The following KIAA1217 variants were observed in gnomAD, a reference collection of about 807,000 sequenced individuals.
KIAA1217 encodes the protein KIAA1217, also known as sickle tail protein homolog.
KIAA1217 carries 88 observed loss-of-function variants against 163.9 expected under a neutral mutation model. The observed-to-expected ratio is 0.54, with a 90% CI of 0.45 to 0.64. KIAA1217 has a LOEUF of 0.64. Among genes scored for constraint, KIAA1217 ranks in the 30% least tolerant of loss-of-function variants. The probability of loss-of-function intolerance (pLI) is 0.00; values close to 1 mark genes in which losing one functional copy is unlikely to be tolerated. For synonymous variants in KIAA1217, 903 were observed against 923.1 expected (o/e 0.98, Z 0.39); for missense variants, 2,372 against 2,475.0 (o/e 0.96, Z 0.88).
intron 1 of KIAA1217, among the ~76,000 whole-genome samples, chr10:23,866,713 C>T (rs1840203168): frequency 6.6e-6 from 1 of 152,068 alleles, no homozygotes. Flanking sequence ...CTTGGCAGCA[C>T]TGTTTCGAGA....
chr10:24,082,257 A>C (rs1261329367), intron 2 of KIAA1217, among the ~76,000 whole-genome samples: 2 of 150,704 alleles, frequency 1.3e-5, no homozygotes, highest in Non-Finnish European at 3.0e-5. Flanking sequence ...TTTATTTTTT[A>C]TATTCCAGGG....
chr10:24,412,720 T>A (rs1440155959), intron 3 of KIAA1217, among the ~76,000 whole-genome samples: 9 of 152,196 alleles, frequency 5.9e-5, no homozygotes, highest in Non-Finnish European at 1.2e-4. Context: ...CTAGACCTCA[T>A]TGCTTCTCTA....
chr10:23,860,910 T>A (rs1348755698), intron 1 of KIAA1217, among the ~76,000 whole-genome samples: 1 of 151,958 alleles, frequency 6.6e-6, no homozygotes, highest in African/African-American at 2.4e-5. Flanking sequence ...TTCTTTCTTT[T>A]ATTTTTTTCT....
chr10:24,039,194 C>G (rs1848523518), intron 2 of KIAA1217, among the ~76,000 whole-genome samples: 1 of 152,114 alleles, frequency 6.6e-6, no homozygotes, highest in Non-Finnish European at 1.5e-5. Context: ...AAAAACCACC[C>G]TGGCCTAAAG....
rs571676269 is a variant in KIAA1217 at position 24,499,720 on chromosome 10, C to T, written c.1835-1659C>T. 1.2e-3 allele frequency among the ~76,000 whole-genome samples: 185 copies of T among 152,080 alleles called. No homozygotes were observed. The South Asian group carries it at 0.013, about 11-fold the overall frequency. On this transcript the variant is annotated intron_variant, in intron 8 of 20. Coordinates refer to ENST00000376454, the MANE Select transcript of KIAA1217 (RefSeq NM_019590.5). ...GCACTCCAGCCTGGACAAGACAGAG[C>T]GAGACTCTGTCTCAAAAAAAAGAAA...
chr10:23,841,626 T>C (rs1427560753), intron 1 of KIAA1217, among the ~76,000 whole-genome samples: 1 of 152,010 alleles, frequency 6.6e-6, no homozygotes, highest in Admixed American at 6.6e-5. Context: ...AAACCCAACA[T>C]CTGATTCAAA....
At chr10:23,806,465 A>G (rs1836748021) in intron 1 of KIAA1217, among the ~76,000 whole-genome samples, 1 of 152,192 alleles carries the variant, frequency 6.6e-6, no homozygotes, top group South Asian at 2.1e-4. Context: ...CCCAATGACT[A>G]CACGTCCCTT....
At chr10:24,210,705 T>C (rs962012801) in intron 1 of KIAA1217, among the ~76,000 whole-genome samples, 3 of 152,194 alleles carry the variant, frequency 2.0e-5, no homozygotes, top group African/African-American at 7.2e-5. Context: ...GCATCTGTTA[T>C]GTAGACGTCA....
Position 24,024,375 on chromosome 10 carries a change from A to G in KIAA1217, c.-171+17001A>G, listed in dbSNP as rs150416786. On this transcript the variant is annotated intron_variant, in intron 2 of 18. Transcript: ENST00000376462. The stretch of plus-strand genomic sequence containing the variant: ...CTTTTGTGTTTGATTTCTTTCCCTC[A>G]TAACAATACTTTATCCAAGTTGTTT... Among the ~76,000 whole-genome samples, 270 of 151,700 alleles carry G rather than the reference A, an allele frequency of 1.8e-3. 2 individuals carry two copies. The East Asian group carries it at 0.024, about 13-fold the overall frequency.
chr10:23,904,157 A>G (rs1450182259), intron 1 of KIAA1217, among the ~76,000 whole-genome samples: 1 of 152,076 alleles, frequency 6.6e-6, no homozygotes, highest in East Asian at 1.9e-4. Flanking sequence ...TGCCAGCTGT[A>G]AAGGCAATTG....
chr10:23,749,850 C>T (rs1377111701), intron 1 of KIAA1217, among the ~76,000 whole-genome samples: 1 of 152,166 alleles, frequency 6.6e-6, no homozygotes, highest in Admixed American at 6.5e-5. Context: ...TATCTCAAAG[C>T]TATGTGCTGA....
chr10:24,408,104 G>T (rs2057405204), intron 3 of KIAA1217, among the ~76,000 whole-genome samples: 2 of 152,144 alleles, frequency 1.3e-5, no homozygotes. Flanking sequence ...ATTGTGTGAT[G>T]CTGGTCAAAT....
chr10:24,103,124 T>G (rs142767611), intron 2 of KIAA1217, among the ~76,000 whole-genome samples: 2 of 152,178 alleles, frequency 1.3e-5, no homozygotes, highest in African/African-American at 4.8e-5. Flanking sequence ...GTCTTGAGTA[T>G]GTCTTTATTA....
At chr10:24,099,154 T>TA (rs2062288853) in intron 2 of KIAA1217, among the ~76,000 whole-genome samples, 1 of 151,656 alleles carries the variant, frequency 6.6e-6, no homozygotes, top group South Asian at 2.1e-4. Flanking sequence ...TCTTTTTTTT[T>TA]ATTTTTATTT....
intron 1 of KIAA1217, among the ~76,000 whole-genome samples, chr10:23,945,058 C>CAAA (rs527334106): frequency 2.4e-4 from 25 of 103,970 alleles, no homozygotes; most frequent in Admixed American, 8.4e-4. Context: ...GACTCTATCT[C>CAAA]AAAAAAAAAA....
chr10:24,215,456 G>A (rs1040435898), intron 1 of KIAA1217, among the ~76,000 whole-genome samples: 4 of 152,160 alleles, frequency 2.6e-5, no homozygotes, highest in African/African-American at 4.8e-5. Context: ...ACAAGAAATC[G>A]AATTGTATTT....
At chr10:24,126,566 A>T (rs1372827800) in intron 2 of KIAA1217, among the ~76,000 whole-genome samples, 1 of 152,110 alleles carries the variant, frequency 6.6e-6, no homozygotes, top group Non-Finnish European at 1.5e-5. Flanking sequence ...CTCATCTTCA[A>T]TGGGGAATAC....
In KIAA1217 at chr10:23,805,575, C is replaced by G. The variant is rs1836695240; in HGVS notation, c.-321+110341C>G. Among the ~76,000 whole-genome samples, 7 of 152,048 alleles carry G rather than the reference C, an allele frequency of 4.6e-5. No individual in the cohort carries two copies. The South Asian group carries it at 1.5e-3, about 32-fold the overall frequency. ...GATCAGGAAAAATAACAAATGGATA[C>G]TAGGCTTAATACCTGGGTGATAACA... On this transcript the variant is annotated intron_variant, in intron 1 of 18. Coordinates refer to the KIAA1217 transcript ENST00000376462.
In KIAA1217 at chr10:24,142,980, G is replaced by A. The variant is rs137951286; in HGVS notation, c.-170-76646G>A. On this transcript the variant is annotated intron_variant, in intron 2 of 18. Transcript: ENST00000376462. ...TCCATACCATGCTGAAATTATTTTC[G>A]TATACCCTTAAAAAGCAGAAGGGCG... Among the ~76,000 whole-genome samples, 333 of 152,302 alleles carry A rather than the reference G, an allele frequency of 2.2e-3. 2 individuals carry two copies. The highest frequency in any genetic ancestry group is 7.5e-3 in the African/African-American group (312 of 41,568).
Sources: gnomAD v4.1 joint callset for allele counts (sites outside exome capture counted in the v4.1 genomes callset) on GRCh38, gnomAD v4.1.1 for gene constraint, MANE v1.5 for transcripts, NCBI Gene and HGNC (gene_info 2026-07-23, HGNC 2026-07-21) for gene names.